The following FANCA variants were observed in gnomAD, a reference collection of about 807,000 sequenced individuals.
FANCA encodes the protein FA complementation group A, also known as Fanconi anemia group A protein.
FANCA carries 236 observed loss-of-function variants against 194.3 expected under a neutral mutation model. That is an observed-to-expected ratio of 1.21 (90% CI 1.09 to 1.35). FANCA has a LOEUF of 1.35. Among genes scored for constraint, FANCA ranks in the 40% most tolerant of loss-of-function variants. The probability of loss-of-function intolerance (pLI) is 0.00; values close to 1 mark genes in which losing one functional copy is unlikely to be tolerated. For synonymous variants in FANCA, 1,014 were observed against 715.8 expected (o/e 1.42, Z -6.65); for missense variants, 2,628 against 1,813.9 (o/e 1.45, Z -8.15).
rs779617838 is a variant in FANCA, at chr16:89,765,057, G to C, written c.2611C>G (p.Leu871Val). Reference protein sequence around the residue: ...SPGLIKKFQFLMFRLFSEARQ... With the variant: ...SPGLIKKFQFVMFRLFSEARQ... The stretch of plus-strand genomic sequence containing the variant: ...GCCTCTGAGAACAATCTGAACATGA[G>C]GAACTGAAACTGAAACAGAGAGTGA... Residue 871 changes from leucine to valine, a missense_variant, in exon 28 of 43, where the codon CTC (leucine) becomes GTC (valine). Transcript: ENST00000389301. 1.2e-6 allele frequency: 2 copies of C among 1,614,158 alleles called. No individual in the cohort carries two copies. The highest frequency in any genetic ancestry group is 1.7e-6 in the Non-Finnish European group (2 of 1,179,996).
At chr16:89,742,690 C>A in intron 37 of FANCA, 110 bp downstream of exon 37, 7 of 1,026,404 alleles carry the variant, frequency 6.8e-6, no homozygotes, top group East Asian at 2.8e-5. Flanking sequence ...TTGCTCCAAG[C>A]CACATATTTG....
chr16:89,814,908 ACCAG>A (rs1207059472), intron 2 of FANCA, among the ~76,000 whole-genome samples: 1 of 152,106 alleles, frequency 6.6e-6, no homozygotes, highest in Non-Finnish European at 1.5e-5. Flanking sequence ...CCCACTGCAT[ACCAG>A]CCCAGGCTAC....
intron 9 of FANCA, 34 bp from the exon 10 acceptor site, chr16:89,799,266 C>A: frequency 1.2e-6 from 2 of 1,612,620 alleles, no homozygotes; most frequent in Non-Finnish European, 1.7e-6. Flanking sequence ...AAACAGATGT[C>A]AGCACACGGC....
At chr16:89,780,087 A>T in intron 17 of FANCA, 130 bp from the exon 18 acceptor site, 37 of 766,112 alleles carry the variant, frequency 4.8e-5, no homozygotes, top group Middle Eastern at 6.0e-4. Context: ...AAAGGCCCAC[A>T]TGCTGTGCGC....
At chr16:89,774,981 C>G (rs927510380) in intron 21 of FANCA, among the ~76,000 whole-genome samples, 1 of 151,796 alleles carries the variant, frequency 6.6e-6, no homozygotes, top group African/African-American at 2.4e-5. Context: ...ATAATCCCAG[C>G]TATTACAGAG....
intron 5 of FANCA, among the ~76,000 whole-genome samples, chr16:89,810,393 AT>A (rs34601353): frequency 0.16 from 23,668 of 151,072 alleles, 2,378 homozygotes; most frequent in East Asian, 0.27. Flanking sequence ...AATTACATAC[AT>A]TTTTTTTTAA....
rs886587991 is a variant in FANCA at position 89,775,285 on chromosome 16, G to A, written c.1900+457C>T. 9.2e-5 allele frequency among the ~76,000 whole-genome samples: 14 copies of A among 152,292 alleles called. No homozygotes were observed. In the East Asian group the frequency reaches 2.3e-3, roughly 25 times the overall value. ...TCCCAATGAGGGCGTAGGTCTGACC[G>A]ACAGCTGCACCACTGCTCCCCACAG... On this transcript the variant is annotated intron_variant, in intron 21 of 42. Coordinates refer to ENST00000389301, the MANE Select transcript of FANCA (RefSeq NM_000135.4).
Position 89,738,172 on chromosome 16 carries a change from G to C in FANCA, c.*429C>G. The stretch of plus-strand genomic sequence containing the variant: ...CCAGGACAAGGCCCTGCCCCTGGAG[G>C]CGGAACCACCACCTGGGCCACCGAG... On this transcript the variant is annotated 3_prime_UTR_variant, in exon 43 of 43. Coordinates refer to ENST00000389301, the MANE Select transcript of FANCA (RefSeq NM_000135.4). The C allele has an allele frequency of 1.2e-6, 2 of 1,612,940 alleles. No individual in the cohort carries two copies. The highest frequency in any genetic ancestry group is 2.2e-5 in the South Asian group (2 of 91,026).
In FANCA at chr16:89,737,816, C is replaced by G; in HGVS notation, c.*785G>C. ...ACTCTCCCCTCTCAGAGGTGCGGAA[C>G]TATATCTGTGACGAATGTGGACAAA... On this transcript the variant is annotated 3_prime_UTR_variant, in exon 43 of 43. Coordinates refer to ENST00000389301, the MANE Select transcript of FANCA (RefSeq NM_000135.4). 1 of 1,614,186 alleles carries G rather than the reference C, an allele frequency of 6.2e-7. No homozygotes were observed. Among genetic ancestry groups the G allele is most frequent in the Non-Finnish European group, 8.5e-7 (1 of 1,180,034 alleles).
intron 6 of FANCA, among the ~76,000 whole-genome samples, chr16:89,806,081 T>C (rs1223402949): frequency 6.6e-6 from 1 of 152,028 alleles, no homozygotes; most frequent in Non-Finnish European, 1.5e-5. Context: ...CCCAGCTAAT[T>C]TTTGTAATTT....
Position 89,745,032 on chromosome 16 carries a change from A to G in FANCA, c.3553T>C (p.Trp1185Arg), listed in dbSNP as rs1473125013. The G allele has an allele frequency of 1.2e-6, 2 of 1,609,970 alleles. No homozygotes were observed. Among genetic ancestry groups the G allele is most frequent in the Non-Finnish European group, 1.7e-6 (2 of 1,179,746 alleles). Reference protein sequence around the residue: ...PSLEPVLLCRWRRHCQSPLPR... With the variant: ...PSLEPVLLCRRRRHCQSPLPR... Reference sequence around the variant, plus strand: ...AGCGGGCTCTGGCAGTGTCTCCTCCACCGGCAGAGCAGCACAGGCTCCAGG... The same window carrying G: ...AGCGGGCTCTGGCAGTGTCTCCTCCGCCGGCAGAGCAGCACAGGCTCCAGG... Residue 1185 changes from tryptophan (W) to arginine (R), a missense_variant, in exon 36 of 43, where the codon TGG becomes CGG. By Grantham distance (101) the Trp-to-Arg change is moderately radical. Transcript: ENST00000389301.
intron 42 of FANCA, 87 bp from the exon 43 acceptor site, chr16:89,738,795 G>C: frequency 1.9e-6 from 3 of 1,613,382 alleles, no homozygotes; most frequent in Non-Finnish European, 2.5e-6. Context: ...TAGTCGAGTT[G>C]TATTGCCAGC....
intron 36 of FANCA, chr16:89,744,646 C>T (rs559728997): frequency 3.3e-5 from 13 of 392,792 alleles, no homozygotes; most frequent in Non-Finnish European, 4.4e-5. Context: ...CTCACTCAGA[C>T]GAGACACTGG....
chr16:89,739,045 C>A lies in FANCA; in HGVS notation c.4168-71G>T, dbSNP rs761574058. 80 of 1,613,954 alleles carry A rather than the reference C, an allele frequency of 5.0e-5. No individual in the cohort carries two copies. In the South Asian group the frequency reaches 8.3e-4, roughly 17 times the overall value. ...ACAGGGCTGGTGTGTCCCCCATAGTCTGCATGCTGTGCCGGAACATTCTTT... is the reference window on the plus strand; with the variant it reads ...ACAGGGCTGGTGTGTCCCCCATAGTATGCATGCTGTGCCGGAACATTCTTT... On this transcript the variant is annotated intron_variant, in intron 41 of 42. Coordinates refer to ENST00000389301, the MANE Select transcript of FANCA (RefSeq NM_000135.4).
At chr16:89,783,695 G>C (rs1168630810) in intron 15 of FANCA, among the ~76,000 whole-genome samples, 5 of 152,212 alleles carry the variant, frequency 3.3e-5, no homozygotes, top group Admixed American at 3.3e-4. Context: ...AGCGGCAGCA[G>C]GAACCGGCCC....
intron 7 of FANCA, among the ~76,000 whole-genome samples, 178 bp from the exon 8 acceptor site, chr16:89,803,519 G>C (rs1203496297): frequency 6.6e-6 from 1 of 152,078 alleles, no homozygotes; most frequent in Non-Finnish European, 1.5e-5. Flanking sequence ...CCTGACCACA[G>C]CTACACTAGC....
In FANCA at chr16:89,737,929, C is replaced by A. The variant is rs17233819; in HGVS notation, c.*672G>T. The A allele has an allele frequency of 2.7e-6, 4 of 1,467,154 alleles. No individual in the cohort carries two copies. Among genetic ancestry groups the A allele is most frequent in the Middle Eastern group, 1.8e-4 (1 of 5,480 alleles). The allele number at this position is 1,467,154 out of a possible 1,614,324, so 90.9% of individuals were successfully genotyped here. A position where few individuals can be genotyped will look rare whatever the true frequency, so the allele number is the denominator to read the frequency against. On this transcript the variant is annotated 3_prime_UTR_variant, in exon 43 of 43. Coordinates refer to ENST00000389301, the MANE Select transcript of FANCA (RefSeq NM_000135.4). ...CAGTAAGTGTGAGTCAGGACCCCCT[C>A]CCAGGGCTGTGGCCCTCGCACCTTC...
intron 28 of FANCA, chr16:89,762,691 G>A (rs889672215): frequency 9.4e-6 from 4 of 427,452 alleles, no homozygotes; most frequent in East Asian, 8.1e-5. Flanking sequence ...TGTGTGCAGT[G>A]GTGCAATCGT....
chr16:89,739,595 T>G (rs977243598), intron 39 of FANCA, 42 bp from the exon 40 acceptor site: 84 of 1,536,708 alleles, frequency 5.5e-5, no homozygotes, highest in Non-Finnish European at 6.7e-5. Context: ...TGGACATCTC[T>G]GCCTATTATC....
Sources: gnomAD v4.1 joint callset for allele counts (sites outside exome capture counted in the v4.1 genomes callset) on GRCh38, gnomAD v4.1.1 for gene constraint, MANE v1.5 for transcripts, NCBI Gene and HGNC (gene_info 2026-07-23, HGNC 2026-07-21) for gene names.